SFT2D3: variants seen among roughly 807,000 people sequenced by gnomAD.
SFT2D3 encodes the protein vesicle transport protein SFT2C.
For synonymous variants in SFT2D3, 239 were observed against 191.2 expected (o/e 1.25, Z -2.06); for missense variants, 405 against 334.6 (o/e 1.21, Z -1.64).
chr2:127,701,591 G>GGCCGCGGAGCCGCTGCTC lies in SFT2D3; in HGVS notation c.73_90dup (p.Pro25_Glu30dup), dbSNP rs577320889. On this transcript the variant is annotated inframe_insertion, in exon 1 of 1. Transcript: ENST00000310981. ...CGCAGGGGAAAGCTGGCGGCCCGGCGGCCGCGGAGCCGCTGCTCGCCGCGG... is the reference window on the plus strand; with the variant it reads ...CGCAGGGGAAAGCTGGCGGCCCGGCGGCCGCGGAGCCGCTGCTCGCCGCGGAGCCGCTGCTCGCCGCGG... 0.014 allele frequency: 18,419 copies of GGCCGCGGAGCCGCTGCTC among 1,358,394 alleles called. 166 individuals are homozygous for GGCCGCGGAGCCGCTGCTC. Among genetic ancestry groups the GGCCGCGGAGCCGCTGCTC allele is most frequent in the Middle Eastern group, 0.043 (156 of 3,588 alleles). The allele number at this position is 1,358,394 out of a possible 1,614,324, so 84.1% of individuals were successfully genotyped here.
In SFT2D3 at chr2:127,702,384, A is replaced by G. The variant is rs1296213011; in HGVS notation, c.*208A>G. On this transcript the variant is annotated 3_prime_UTR_variant, in exon 1 of 1. Coordinates refer to ENST00000310981, the MANE Select transcript of SFT2D3 (RefSeq NM_032740.4). ...CCTCGATGTCAGCTTTTTGTGCTGG[A>G]CTTGGCACACGCTCTGAAAACTGAG... 2 of 349,848 alleles carry G rather than the reference A, an allele frequency of 5.7e-6. No individual in the cohort carries two copies. Among genetic ancestry groups the G allele is most frequent in the Non-Finnish European group, 1.0e-5 (2 of 195,230 alleles). 21.7% of individuals were successfully genotyped at this position (349,848 alleles called of 1,614,324 possible).
In SFT2D3 at chr2:127,702,109, C is replaced by CCGCGCTGCGCCT; in HGVS notation, c.585_596dup (p.Arg197_Leu200dup). 1 of 1,216,210 alleles carries CCGCGCTGCGCCT rather than the reference C, an allele frequency of 8.2e-7. No individual in the cohort carries two copies. Among genetic ancestry groups the CCGCGCTGCGCCT allele is most frequent in the Non-Finnish European group, 1.0e-6 (1 of 979,902 alleles). The allele number at this position is 1,216,210 out of a possible 1,614,324, so 75.3% of individuals were successfully genotyped here. Reference sequence around the variant, plus strand: ...GGGCTGCTGCCCTGGGGCGGCGGCACCGCGCTGCGCCTCGCACTGGGTCGC... The same window carrying CCGCGCTGCGCCT: ...GGGCTGCTGCCCTGGGGCGGCGGCACCGCGCTGCGCCTCGCGCTGCGCCTCGCACTGGGTCGC... On this transcript the variant is annotated inframe_insertion, in exon 1 of 1. Coordinates refer to ENST00000310981, the MANE Select transcript of SFT2D3 (RefSeq NM_032740.4).
chr2:127,701,763 G>T lies in SFT2D3; in HGVS notation c.235G>T (p.Ala79Ser), dbSNP rs1332547671. Residue 79 changes from alanine to serine, a missense_variant, in exon 1 of 1, where the codon GCG becomes TCG. By Grantham distance (99) the Ala-to-Ser change is moderately conservative (BLOSUM62 1). Transcript: ENST00000310981. ...CGTGACGCGCGGGCAGCGGCTGGCG[G>T]CGGGCGGCGGGTGCCTGCTGCTGGC... ...PSVTRGQRLAAGGGCLLLAAL... is the reference protein window; with the variant it reads ...PSVTRGQRLASGGGCLLLAAL... The T allele has an allele frequency of 7.0e-7, 1 of 1,424,094 alleles. No individual in the cohort carries two copies. Among genetic ancestry groups the T allele is most frequent in the Non-Finnish European group, 9.2e-7 (1 of 1,088,538 alleles). The allele number at this position is 1,424,094 out of a possible 1,614,324, so 88.2% of individuals were successfully genotyped here.
rs755524488 is a variant in SFT2D3 at position 127,702,056 on chromosome 2, G to A, written c.528G>A (p.Gln176=). 595 of 1,225,722 alleles carry A rather than the reference G, an allele frequency of 4.9e-4. 4 individuals are homozygous for A. The Middle Eastern group carries it at 6.8e-3, about 14-fold the overall frequency. The allele number at this position is 1,225,722 out of a possible 1,614,324, so 75.9% of individuals were successfully genotyped here. The part of the protein sequence containing the change: ...TLLTVLGAGA[Q]VAALLAALVG... Reference sequence around the variant, plus strand: ...TCACGGTGCTGGGCGCGGGCGCGCAGGTGGCCGCGCTGCTGGCCGCGCTGG... The same window carrying A: ...TCACGGTGCTGGGCGCGGGCGCGCAAGTGGCCGCGCTGCTGGCCGCGCTGG... The change falls in exon 1 of 1, where the codon CAG becomes CAA. Residue 176 remains glutamine (Q), a synonymous_variant. Transcript: ENST00000310981.
rs1175464547 is a variant in SFT2D3 at position 127,704,360 on chromosome 2, T to A, written c.*2184T>A. 1 of 167,040 alleles carries A rather than the reference T, an allele frequency of 6.0e-6. No individual in the cohort carries two copies. The highest frequency in any genetic ancestry group is 1.5e-5 in the Non-Finnish European group (1 of 68,110). The allele number at this position is 167,040 out of a possible 1,614,324, so 10.3% of individuals were successfully genotyped here. ...TGATCTGGTTATCTGCTTACTGAGA[T>A]ACTATGTTTCTAAAGTTAAAGCCCA... On this transcript the variant is annotated 3_prime_UTR_variant, in exon 1 of 1. Transcript: ENST00000310981.
In SFT2D3 at chr2:127,701,501, T is replaced by C; in HGVS notation, c.-28T>C. 7.8e-7 allele frequency: 1 copy of C among 1,280,502 alleles called. No homozygotes were observed. The allele number at this position is 1,280,502 out of a possible 1,614,324, so 79.3% of individuals were successfully genotyped here. On this transcript the variant is annotated 5_prime_UTR_variant, in exon 1 of 1. Coordinates refer to ENST00000310981, the MANE Select transcript of SFT2D3 (RefSeq NM_032740.4). The stretch of plus-strand genomic sequence containing the variant: ...GGAGGGCCGGAAGTGAGCCGCAGCT[T>C]TTCCTTTCTGCCACCGCCTTGTCCA...
rs1441535883 is a variant in SFT2D3, at chr2:127,703,993, C to T, written c.*1817C>T. 2 of 166,656 alleles carry T rather than the reference C, an allele frequency of 1.2e-5. No individual in the cohort carries two copies. Among genetic ancestry groups the T allele is most frequent in the South Asian group, 2.1e-4 (1 of 4,810 alleles). 10.3% of individuals were successfully genotyped at this position (166,656 alleles called of 1,614,324 possible). A position where few individuals can be genotyped will look rare whatever the true frequency, so the allele number is the denominator to read the frequency against. Reference sequence around the variant, plus strand: ...AAAATTTGCCAGATATGGTGGCACACAACTGTGATCCCAGCTACTTGGGGT... The same window carrying T: ...AAAATTTGCCAGATATGGTGGCACATAACTGTGATCCCAGCTACTTGGGGT... On this transcript the variant is annotated 3_prime_UTR_variant, in exon 1 of 1. Transcript: ENST00000310981.
At position 127,702,506 on chromosome 2, in the gene SFT2D3, A is replaced by G. The variant is rs1685919339; in HGVS notation, c.*330A>G. 5.3e-6 allele frequency: 1 copy of G among 189,864 alleles called. No individual in the cohort carries two copies. The highest frequency in any genetic ancestry group is 1.2e-5 in the Non-Finnish European group (1 of 83,396). The allele number at this position is 189,864 out of a possible 1,614,324, so 11.8% of individuals were successfully genotyped here. A position where few individuals can be genotyped will look rare whatever the true frequency, so the allele number is the denominator to read the frequency against. ...AGGTTCGGCTGAGTAAAGAAAAAGGATTTTTCTTCGAGTTAGCTGCTCTTG... is the reference window on the plus strand; with the variant it reads ...AGGTTCGGCTGAGTAAAGAAAAAGGGTTTTTCTTCGAGTTAGCTGCTCTTG... On this transcript the variant is annotated 3_prime_UTR_variant, in exon 1 of 1. Transcript: ENST00000310981.
chr2:127,701,926 GA>G lies in SFT2D3; in HGVS notation c.399del (p.Arg134AlafsTer160). 2 of 1,435,366 alleles carry G rather than the reference GA, an allele frequency of 1.4e-6. No homozygotes were observed. Among genetic ancestry groups the G allele is most frequent in the Non-Finnish European group, 1.8e-6 (2 of 1,101,244 alleles). The allele number at this position is 1,435,366 out of a possible 1,614,324, so 88.9% of individuals were successfully genotyped here. On this transcript the variant is annotated frameshift_variant, in exon 1 of 1. Transcript: ENST00000310981. LOFTEE classifies it low-confidence loss of function (END_TRUNC). ...CTGCTGCGGGGCGGCGCGGCGTGCG[GA>G]CGCCTGCTGCGCTGCGAAGAAGCGC... ...SALLRGGAAC[G>X]RLLRCEEAPS...
Position 127,704,349 on chromosome 2 carries a change from G to C in SFT2D3, c.*2173G>C, listed in dbSNP as rs1433337852. 6.0e-6 allele frequency: 1 copy of C among 166,860 alleles called. No homozygotes were observed. Among genetic ancestry groups the C allele is most frequent in the Non-Finnish European group, 1.5e-5 (1 of 68,084 alleles). The allele number at this position is 166,860 out of a possible 1,614,324, so 10.3% of individuals were successfully genotyped here. On this transcript the variant is annotated 3_prime_UTR_variant, in exon 1 of 1. Transcript: ENST00000310981. ...ATTTTTAAATGTGATCTGGTTATCT[G>C]CTTACTGAGATACTATGTTTCTAAA...
rs1685897149 is a variant in SFT2D3, at chr2:127,701,911, G to C, written c.383G>C (p.Gly128Ala). 1 of 1,449,038 alleles carries C rather than the reference G, an allele frequency of 6.9e-7. No individual in the cohort carries two copies. Among genetic ancestry groups the C allele is most frequent in the East Asian group, 3.1e-5 (1 of 32,310 alleles). The allele number at this position is 1,449,038 out of a possible 1,614,324, so 89.8% of individuals were successfully genotyped here. Residue 128 changes from glycine (G) to alanine (A), a missense_variant, in exon 1 of 1, where the codon GGC (glycine) becomes GCC (alanine). Coordinates refer to ENST00000310981, the MANE Select transcript of SFT2D3 (RefSeq NM_032740.4). ...LALAGSALLR[G>A]GAACGRLLRC... ...TTGGCGGGAAGCGCGCTGCTGCGGG[G>C]CGGCGCGGCGTGCGGACGCCTGCTG...
rs1685917941 is a variant in SFT2D3 at position 127,702,461 on chromosome 2, T to G, written c.*285T>G. On this transcript the variant is annotated 3_prime_UTR_variant, in exon 1 of 1. Coordinates refer to ENST00000310981, the MANE Select transcript of SFT2D3 (RefSeq NM_032740.4). ...TGTGAGACGGTTATTAGAAGTTGCT[T>G]TCGAAGTAACTGTGGTCTTAGGTTC... 4.2e-6 allele frequency: 1 copy of G among 239,332 alleles called. No individual in the cohort carries two copies. Among genetic ancestry groups the G allele is most frequent in the Non-Finnish European group, 8.6e-6 (1 of 115,978 alleles). 14.8% of individuals were successfully genotyped at this position (239,332 alleles called of 1,614,324 possible).
rs1685948211 is a variant in SFT2D3 at position 127,703,737 on chromosome 2, G to A, written c.*1561G>A. 1.2e-5 allele frequency: 2 copies of A among 166,986 alleles called. No homozygotes were observed. Among genetic ancestry groups the A allele is most frequent in the Non-Finnish European group, 2.9e-5 (2 of 68,106 alleles). 10.3% of individuals were successfully genotyped at this position (166,986 alleles called of 1,614,324 possible). ...GCTCTTTCTAGTCCCCTAAATTTCT[G>A]TTCTAGTTTTAAATTTCTCTAGAAC... is the stretch of plus-strand genomic sequence containing the variant. On this transcript the variant is annotated 3_prime_UTR_variant, in exon 1 of 1. Transcript: ENST00000310981.
At position 127,705,003 on chromosome 2, in the gene SFT2D3, G is replaced by T; in HGVS notation, c.*2827G>T. 1 of 161,108 alleles carries T rather than the reference G, an allele frequency of 6.2e-6. No individual in the cohort carries two copies. 10.0% of individuals were successfully genotyped at this position (161,108 alleles called of 1,614,324 possible). The stretch of plus-strand genomic sequence containing the variant: ...CTAGCTACTAGGGAGGCTGAGGCAG[G>T]GTCAAAGCTGAAGTGAGCCGTGATT... On this transcript the variant is annotated 3_prime_UTR_variant, in exon 1 of 1. Transcript: ENST00000310981. The surrounding 1 kb of genome is among the most constrained non-coding windows in gnomAD (Gnocchi z 4.5).
rs552193516 is a variant in SFT2D3 at position 127,702,048 on chromosome 2, G to A, written c.520G>A (p.Gly174Ser). Residue 174 changes from glycine (G) to serine (S), a missense_variant, in exon 1 of 1, where the codon GGC (glycine) becomes AGC (serine). Physicochemically the swap from Gly to Ser is moderately conservative, Grantham distance 56. Coordinates refer to ENST00000310981, the MANE Select transcript of SFT2D3 (RefSeq NM_032740.4). ...RSTLLTVLGA[G>S]AQVAALLAAL... ...CACGCTGCTCACGGTGCTGGGCGCG[G>A]GCGCGCAGGTGGCCGCGCTGCTGGC... The A allele has an allele frequency of 6.5e-6, 8 of 1,230,240 alleles. No homozygotes were observed. The African/African-American group carries it at 1.1e-4, about 17-fold the overall frequency. The allele number at this position is 1,230,240 out of a possible 1,614,324, so 76.2% of individuals were successfully genotyped here.
Position 127,702,926 on chromosome 2 carries a change from C to T in SFT2D3, c.*750C>T, listed in dbSNP as rs1196430360. The T allele has an allele frequency of 2.4e-5, 4 of 167,024 alleles. No individual in the cohort carries two copies. The highest frequency in any genetic ancestry group is 6.5e-5 in the Admixed American group (1 of 15,280). 10.3% of individuals were successfully genotyped at this position (167,024 alleles called of 1,614,324 possible). On this transcript the variant is annotated 3_prime_UTR_variant, in exon 1 of 1. Coordinates refer to ENST00000310981, the MANE Select transcript of SFT2D3 (RefSeq NM_032740.4). ...GAAAGATAATTCTAGATCCGGAATA[C>T]CTGTATCTGGTGGAAACCATGGATT...
In SFT2D3 at chr2:127,702,854, A is replaced by G. The variant is rs1685927610; in HGVS notation, c.*678A>G. 6.0e-6 allele frequency: 1 copy of G among 166,810 alleles called. No individual in the cohort carries two copies. The highest frequency in any genetic ancestry group is 1.5e-5 in the Non-Finnish European group (1 of 68,108). The allele number at this position is 166,810 out of a possible 1,614,324, so 10.3% of individuals were successfully genotyped here. A position where few individuals can be genotyped will look rare whatever the true frequency, so the allele number is the denominator to read the frequency against. On this transcript the variant is annotated 3_prime_UTR_variant, in exon 1 of 1. Coordinates refer to ENST00000310981, the MANE Select transcript of SFT2D3 (RefSeq NM_032740.4). ...TGCCCCAAGAAGCATGGGATCCAGGAAGGGGCGCGTAGATGCTTAACGGTC... is the reference window on the plus strand; with the variant it reads ...TGCCCCAAGAAGCATGGGATCCAGGGAGGGGCGCGTAGATGCTTAACGGTC...
Position 127,701,748 on chromosome 2 carries a change from G to A in SFT2D3, c.220G>A (p.Gly74Arg). ...GLTCLPSVTR[G>R]QRLAAGGGCL... ...GACGTGCCTCCCGAGCGTGACGCGC[G>A]GGCAGCGGCTGGCGGCGGGCGGCGG... Residue 74 changes from glycine (G) to arginine (R), a missense_variant, in exon 1 of 1, where the codon GGG becomes AGG. Gly to Arg is a moderately radical substitution (Grantham distance 125). Coordinates refer to ENST00000310981, the MANE Select transcript of SFT2D3 (RefSeq NM_032740.4). The A allele has an allele frequency of 7.1e-7, 1 of 1,415,308 alleles. No homozygotes were observed. The allele number at this position is 1,415,308 out of a possible 1,614,324, so 87.7% of individuals were successfully genotyped here.
At position 127,701,863 on chromosome 2, in the gene SFT2D3, G is replaced by T; in HGVS notation, c.335G>T (p.Trp112Leu). Reference protein sequence around the residue: ...LLRARKFALLWSLGSALALAG... With the variant: ...LLRARKFALLLSLGSALALAG... ...CGCGCGCGCAAGTTCGCGCTGCTCTGGTCACTGGGCTCGGCGCTGGCGTTG... is the reference window on the plus strand; with the variant it reads ...CGCGCGCGCAAGTTCGCGCTGCTCTTGTCACTGGGCTCGGCGCTGGCGTTG... The change falls in exon 1 of 1, where the codon TGG (tryptophan) becomes TTG (leucine). Residue 112 changes from tryptophan (W) to leucine (L), a missense_variant. Trp to Leu is a moderately conservative substitution (Grantham distance 61). Transcript: ENST00000310981. The T allele has an allele frequency of 1.4e-6, 2 of 1,460,870 alleles. No homozygotes were observed. Among genetic ancestry groups the T allele is most frequent in the Non-Finnish European group, 1.8e-6 (2 of 1,111,872 alleles). The allele number at this position is 1,460,870 out of a possible 1,614,324, so 90.5% of individuals were successfully genotyped here.
Sources: gnomAD v4.1 joint callset for allele counts on GRCh38, gnomAD v4.1.1 for gene constraint, Gnocchi (gnomAD v3.1) non-coding constraint, MANE v1.5 for transcripts, NCBI Gene and HGNC (gene_info 2026-07-23, HGNC 2026-07-21) for gene names.